Variants in MAPKAPK2 observed in about 807,000 individuals in gnomAD.
The protein encoded by MAPKAPK2 is MAP kinase-activated protein kinase 2.
MAPKAPK2 carries 9 observed loss-of-function variants against 48.8 expected under a neutral mutation model. The observed-to-expected ratio is 0.18, with a 90% CI of 0.11 to 0.32. The LOEUF is 0.32. MAPKAPK2 is among the 10% of genes least tolerant of loss of function. MAPKAPK2 has a pLI of 1.00. For synonymous variants in MAPKAPK2, 202 were observed against 190.6 expected (o/e 1.06, Z -0.49); for missense variants, 331 against 498.3 (o/e 0.66, Z 3.20).
chr1:206,696,259 C>T lies in MAPKAPK2; in HGVS notation c.279+10751C>T, dbSNP rs1672622102. 4 of 1,330,734 alleles carry T rather than the reference C, an allele frequency of 3.0e-6. 1 individual carries two copies. Among genetic ancestry groups the T allele is most frequent in the Middle Eastern group, 4.0e-4 (2 of 4,958 alleles). 82.4% of individuals were successfully genotyped at this position (1,330,734 alleles called of 1,614,324 possible). A position where few individuals can be genotyped will look rare whatever the true frequency, so the allele number is the denominator to read the frequency against. ...TTCTTCCTTCTTTTCCTTCCCCTTT[C>T]AAGGTGCCATTTCTGCATGTTGTTT... is the stretch of plus-strand genomic sequence containing the variant. On this transcript the variant is annotated intron_variant, in intron 1 of 9. Transcript: ENST00000367103.
chr1:206,712,298 G>A (rs2102398532), intron 1 of MAPKAPK2, among the ~76,000 whole-genome samples: 1 of 152,320 alleles, frequency 6.6e-6, no homozygotes, highest in African/African-American at 2.4e-5. Flanking sequence ...AGATAATGTT[G>A]TTATCCCTGT....
chr1:206,694,596 C>G (rs549636023), intron 1 of MAPKAPK2, among the ~76,000 whole-genome samples: 1 of 152,334 alleles, frequency 6.6e-6, no homozygotes, highest in East Asian at 1.9e-4. Flanking sequence ...TTCACGGGAG[C>G]TGGAGAAGGC....
intron 1 of MAPKAPK2, among the ~76,000 whole-genome samples, chr1:206,702,870 G>A (rs927451932): frequency 2.0e-5 from 3 of 152,188 alleles, no homozygotes; most frequent in African/African-American, 7.2e-5. Context: ...TGGTAGAACT[G>A]TATTTATCCT....
chr1:206,710,431 A>G (rs536884473), intron 1 of MAPKAPK2, among the ~76,000 whole-genome samples: 5 of 152,350 alleles, frequency 3.3e-5, no homozygotes, highest in African/African-American at 7.2e-5. Context: ...AAAATGGACA[A>G]TTGATGAGGG....
At chr1:206,717,825 C>G (rs1673381242) in intron 1 of MAPKAPK2, among the ~76,000 whole-genome samples, 1 of 151,872 alleles carries the variant, frequency 6.6e-6, no homozygotes, top group Non-Finnish European at 1.5e-5. Flanking sequence ...AAATTTCATT[C>G]AGATGGTAAA....
intron 1 of MAPKAPK2, among the ~76,000 whole-genome samples, chr1:206,710,046 T>C (rs1553429230): frequency 1.3e-5 from 2 of 152,248 alleles, no homozygotes; most frequent in East Asian, 3.8e-4. Flanking sequence ...GCCAGCTCTT[T>C]AGCATATATA....
chr1:206,693,021 A>C (rs540523616), intron 1 of MAPKAPK2, among the ~76,000 whole-genome samples: 1 of 152,136 alleles, frequency 6.6e-6, no homozygotes, highest in Non-Finnish European at 1.5e-5. Context: ...TGAACAGGAG[A>C]TCTACTGACT....
intron 1 of MAPKAPK2, chr1:206,696,314 T>C: frequency 1.2e-6 from 1 of 828,344 alleles, no homozygotes; most frequent in Non-Finnish European, 2.1e-6. Flanking sequence ...GCAAGGCACC[T>C]CTTTAGATAT....
intron 1 of MAPKAPK2, among the ~76,000 whole-genome samples, chr1:206,725,222 G>A (rs1673666640): frequency 1.3e-5 from 2 of 152,234 alleles, no homozygotes; most frequent in Non-Finnish European, 2.9e-5. Flanking sequence ...CAGAAAGTGC[G>A]GAAGTTGCAG....
In MAPKAPK2 at chr1:206,722,065, C is replaced by CAA. The variant is rs11431719; in HGVS notation, c.280-6633_280-6632dup. Among the ~76,000 whole-genome samples the CAA allele has an allele frequency of 4.5e-3, 566 of 125,988 alleles. 4 individuals are homozygous for CAA. Among genetic ancestry groups the CAA allele is most frequent in the African/African-American group, 0.016 (531 of 33,650 alleles). The allele number at this position is 125,988 out of a possible 152,430, so 82.7% of individuals were successfully genotyped here. A position where few individuals can be genotyped will look rare whatever the true frequency, so the allele number is the denominator to read the frequency against. On this transcript the variant is annotated intron_variant, in intron 1 of 9. Transcript: ENST00000367103. ...GGGTAATGAGAGTGAAACTCTATTT[C>CAA]AAAAAAAAAAAAAGGCCAGGCACGG...
At position 206,732,361 on chromosome 1, in the gene MAPKAPK2, C is replaced by T; in HGVS notation, c.1060-214C>T. On this transcript the variant is annotated intron_variant, in intron 9 of 9. Transcript: ENST00000367103. This position sits in a 1 kb window ranked among gnomAD's most constrained non-coding sequence, Gnocchi z 4.4. The stretch of plus-strand genomic sequence containing the variant: ...CTGGGGGGCTCTCAGGGAACAGCAG[C>T]AGTGCCATAGCCAGGCTCTCTGCTG... The T allele has an allele frequency of 6.9e-7, 1 of 1,446,032 alleles. No homozygotes were observed. The highest frequency in any genetic ancestry group is 9.1e-7 in the Non-Finnish European group (1 of 1,102,242). 89.6% of individuals were successfully genotyped at this position (1,446,032 alleles called of 1,614,324 possible).
rs1673484890 is a variant in MAPKAPK2 at position 206,720,641 on chromosome 1, GAGCCACTAT to G, written c.280-8068_280-8060del. ...CCCAAAGTGCTGGGGTTATAGATGTGAGCCACTATGGCCAGCCCCTATGCCTTTATTTTT... is the reference window on the plus strand; with the variant it reads ...CCCAAAGTGCTGGGGTTATAGATGTGGGCCAGCCCCTATGCCTTTATTTTT... On this transcript the variant is annotated intron_variant, in intron 1 of 9. Coordinates refer to ENST00000367103, the MANE Select transcript of MAPKAPK2 (RefSeq NM_032960.4). Among the ~76,000 whole-genome samples, 5 of 152,284 alleles carry G rather than the reference GAGCCACTAT, an allele frequency of 3.3e-5. No individual in the cohort carries two copies. In the South Asian group the frequency reaches 1.0e-3, roughly 32 times the overall value.
chr1:206,702,548 C>T (rs562906067), intron 1 of MAPKAPK2, among the ~76,000 whole-genome samples: 5 of 152,376 alleles, frequency 3.3e-5, no homozygotes, highest in South Asian at 2.1e-4. Context: ...CATCCTGCTC[C>T]GTAGGGAAGA....
At position 206,691,482 on chromosome 1, in the gene MAPKAPK2, G is replaced by GATATATATATATAT. The variant is rs56752335; in HGVS notation, c.279+5984_279+5997dup. ...AAAATACTGGTATTTTGTATTTTAA[G>GATATATATATATAT]ATATATATATATATATATATATACA... On this transcript the variant is annotated intron_variant, in intron 1 of 9. Transcript: ENST00000367103. Among the ~76,000 whole-genome samples the GATATATATATATAT allele has an allele frequency of 5.9e-3, 458 of 77,260 alleles. 13 individuals carry two copies. The highest frequency in any genetic ancestry group is 0.025 in the East Asian group (98 of 3,862). The allele number at this position is 77,260 out of a possible 152,430, so 50.7% of individuals were successfully genotyped here.
rs868968182 is a variant in MAPKAPK2 at position 206,685,092 on chromosome 1, C to T, written c.-138C>T. On this transcript the variant is annotated 5_prime_UTR_variant, in exon 1 of 10. Coordinates refer to ENST00000367103, the MANE Select transcript of MAPKAPK2 (RefSeq NM_032960.4). ...GCCCCGCGACCCGCCGAGCCTGGAG[C>T]CGGGCCGGGTCGGGGAAGCCGGCTC... 45 of 193,048 alleles carry T rather than the reference C, an allele frequency of 2.3e-4. No homozygotes were observed. Among genetic ancestry groups the T allele is most frequent in the African/African-American group, 9.3e-4 (39 of 42,044 alleles). The allele number at this position is 193,048 out of a possible 1,614,324, so 12.0% of individuals were successfully genotyped here.
At chr1:206,719,810 C>G (rs1414417658) in intron 1 of MAPKAPK2, among the ~76,000 whole-genome samples, 1 of 152,238 alleles carries the variant, frequency 6.6e-6, no homozygotes, top group Non-Finnish European at 1.5e-5. Flanking sequence ...GAAGGATTCT[C>G]CCTTAAACCA....
chr1:206,725,014 G>A (rs1319820847), intron 1 of MAPKAPK2, among the ~76,000 whole-genome samples: 1 of 143,546 alleles, frequency 7.0e-6, no homozygotes, highest in East Asian at 1.9e-4. Flanking sequence ...AAGATAGGTG[G>A]GCTTGCATGA....
chr1:206,706,036 T>TG (rs1447172523), intron 1 of MAPKAPK2, among the ~76,000 whole-genome samples: 1 of 152,168 alleles, frequency 6.6e-6, no homozygotes, highest in Non-Finnish European at 1.5e-5. Context: ...AATGGGAGTG[T>TG]GGGGTGGGAA....
Position 206,731,401 on chromosome 1 carries a change from T to C in MAPKAPK2, c.892+139T>C. 1 of 1,461,208 alleles carries C rather than the reference T, an allele frequency of 6.8e-7. No homozygotes were observed. Among genetic ancestry groups the C allele is most frequent in the South Asian group, 1.3e-5 (1 of 75,866 alleles). The allele number at this position is 1,461,208 out of a possible 1,614,324, so 90.5% of individuals were successfully genotyped here. The stretch of plus-strand genomic sequence containing the variant: ...GTGGGTTAGCACCTATGCCCACGCC[T>C]GCGGGGTGCGTCCTGCTTCATTTTG... On this transcript the variant is annotated intron_variant, in intron 7 of 9. Transcript: ENST00000367103. This position sits in a 1 kb window ranked among gnomAD's most constrained non-coding sequence, Gnocchi z 5.9.
Sources: allele counts gnomAD v4.1 joint callset (sites outside exome capture counted in the v4.1 genomes callset), GRCh38; gene constraint gnomAD v4.1.1; non-coding constraint Gnocchi (gnomAD v3.1); transcripts MANE v1.5; gene names NCBI Gene and HGNC (gene_info 2026-07-23, HGNC 2026-07-21).